ULK4: variants seen among roughly 807,000 people sequenced by gnomAD.
The protein encoded by ULK4 is inactive serine/threonine-protein kinase ULK4.
Under a neutral mutation model 160.6 loss-of-function variants are expected in ULK4, and 133 were observed. That is an observed-to-expected ratio of 0.83 (90% confidence interval 0.72 to 0.96). The LOEUF (loss-of-function observed/expected upper bound fraction) is 0.96. Ranked by LOEUF, ULK4 falls within the 40% of genes least tolerant of loss-of-function variation. ULK4 has a pLI of 0.00. For synonymous variants in ULK4, 534 were observed against 539.8 expected (o/e 0.99, Z 0.15); for missense variants, 1,580 against 1,499.5 (o/e 1.05, Z -0.89).
chr3:41,290,307 T>C (rs1035931427), intron 35 of ULK4, among the ~76,000 whole-genome samples: 1 of 152,240 alleles, frequency 6.6e-6, no homozygotes, highest in Non-Finnish European at 1.5e-5. Flanking sequence ...ACTTTATGTA[T>C]ATTAACTCAT....
At chr3:41,687,385 AAATT>A (rs1326157804) in intron 27 of ULK4, among the ~76,000 whole-genome samples, 12 of 151,984 alleles carry the variant, frequency 7.9e-5, no homozygotes, top group African/African-American at 2.2e-4. Context: ...AAAAAAAAAA[AAATT>A]AATTAAACAA....
chr3:41,307,983 C>T (rs2079981476), intron 35 of ULK4, among the ~76,000 whole-genome samples: 1 of 152,110 alleles, frequency 6.6e-6, no homozygotes, highest in Non-Finnish European at 1.5e-5. Context: ...TGAGTTTCCG[C>T]AGCATTTAAG....
At chr3:41,750,225 C>A (rs2038569998) in intron 22 of ULK4, among the ~76,000 whole-genome samples, 1 of 152,212 alleles carries the variant, frequency 6.6e-6, no homozygotes, top group Non-Finnish European at 1.5e-5. Flanking sequence ...TAATTTTCAA[C>A]TTCCAAAATA....
chr3:41,914,413 C>T (rs1450117622), intron 8 of ULK4, among the ~76,000 whole-genome samples: 1 of 152,156 alleles, frequency 6.6e-6, no homozygotes, highest in Non-Finnish European at 1.5e-5. Context: ...TGTAGATCAA[C>T]AAGGCACACT....
intron 27 of ULK4, among the ~76,000 whole-genome samples, chr3:41,690,884 A>G (rs1027741414): frequency 6.6e-6 from 1 of 151,916 alleles, no homozygotes. Flanking sequence ...ATAATGTTAT[A>G]GCAGGTAGTC....
chr3:41,935,193 T>TTTTTTTTA (rs1699725479), intron 4 of ULK4, among the ~76,000 whole-genome samples: 1 of 23,602 alleles, frequency 4.2e-5, no homozygotes, highest in African/African-American at 7.3e-5. Flanking sequence ...TTTTTTGTGT[T>TTTTTTTTA]TTTATTTATT....
chr3:41,324,022 C>CACT (rs2080296345), intron 35 of ULK4, among the ~76,000 whole-genome samples: 1 of 152,190 alleles, frequency 6.6e-6, no homozygotes, highest in Non-Finnish European at 1.5e-5. Context: ...TTATGCCTGT[C>CACT]ACTGCAGGAC....
At chr3:41,298,113 C>T (rs2079708241) in intron 35 of ULK4, among the ~76,000 whole-genome samples, 1 of 152,180 alleles carries the variant, frequency 6.6e-6, no homozygotes, top group Non-Finnish European at 1.5e-5. Context: ...ATATCATACA[C>T]CATATACAGA....
intron 34 of ULK4, among the ~76,000 whole-genome samples, chr3:41,402,583 G>A (rs191990026): frequency 1.2e-3 from 180 of 152,264 alleles, no homozygotes; most frequent in Non-Finnish European, 2.2e-3. Flanking sequence ...TGGTGGTTCT[G>A]TCAATTACTT....
intron 32 of ULK4, among the ~76,000 whole-genome samples, chr3:41,527,314 A>G (rs2086153713): frequency 6.6e-6 from 1 of 152,242 alleles, no homozygotes; most frequent in African/African-American, 2.4e-5. Context: ...ACAAGGGTAG[A>G]AATTCTGAGA....
chr3:41,576,916 TAA>T (rs1314853899), intron 31 of ULK4, among the ~76,000 whole-genome samples: 2 of 152,072 alleles, frequency 1.3e-5, no homozygotes, highest in African/African-American at 4.8e-5. Flanking sequence ...CTCACAAACA[TAA>T]AGTGTCCCAC....
chr3:41,564,561 C>T (rs923389161), intron 32 of ULK4, among the ~76,000 whole-genome samples: 3 of 145,966 alleles, frequency 2.1e-5, no homozygotes, highest in Non-Finnish European at 3.0e-5. Flanking sequence ...CCACTTCAAG[C>T]GATTCTCCTG....
At chr3:41,289,807 TTATGTATG>T (rs34876578) in intron 35 of ULK4, among the ~76,000 whole-genome samples, 64,887 of 147,580 alleles carry the variant, frequency 0.44, 14,916 homozygotes, top group African/African-American at 0.58. Flanking sequence ...TTAGGTCAAC[TTATGTATG>T]TATGTATGTA....
chr3:41,844,790 T>TAAA (rs35532895), intron 17 of ULK4, among the ~76,000 whole-genome samples: 2 of 125,084 alleles, frequency 1.6e-5, no homozygotes, highest in Non-Finnish European at 1.7e-5. Flanking sequence ...GAGGTTTTTC[T>TAAA]AAAAAAAAAA....
chr3:41,836,827 CACAT>C (rs1162113160), intron 17 of ULK4, among the ~76,000 whole-genome samples: 2 of 152,218 alleles, frequency 1.3e-5, no homozygotes, highest in East Asian at 3.9e-4. Flanking sequence ...CTAAGAAAAT[CACAT>C]ACACTCATTG....
intron 31 of ULK4, among the ~76,000 whole-genome samples, chr3:41,611,176 G>T (rs1165444746): frequency 1.3e-5 from 2 of 152,198 alleles, no homozygotes; most frequent in Admixed American, 6.5e-5. Flanking sequence ...GGTACACCGT[G>T]AAGACTGTAC....
intron 22 of ULK4, among the ~76,000 whole-genome samples, chr3:41,745,698 A>G (rs2125885988): frequency 6.6e-6 from 1 of 151,768 alleles, no homozygotes; most frequent in Middle Eastern, 3.4e-3. Flanking sequence ...GGAGGGAGAA[A>G]GCAAGCAAGC....
At chr3:41,663,794 A>T in intron 29 of ULK4, 95 bp from the exon 30 acceptor site, 1 of 1,034,432 alleles carries the variant, frequency 9.7e-7, no homozygotes, top group Non-Finnish European at 1.5e-6. Flanking sequence ...TTAGCTTAAG[A>T]CAGAAAGATA....
At position 41,901,780 on chromosome 3, in the gene ULK4, A is replaced by T. The variant is rs1698375973; in HGVS notation, c.1183-951T>A. Among the ~76,000 whole-genome samples the T allele has an allele frequency of 1.3e-5, 2 of 151,944 alleles. 1 individual carries two copies. Among genetic ancestry groups the T allele is most frequent in the Non-Finnish European group, 2.9e-5 (2 of 67,968 alleles). On this transcript the variant is annotated intron_variant, in intron 12 of 36. Coordinates refer to ENST00000301831, the MANE Select transcript of ULK4 (RefSeq NM_017886.4). ...TAGGCGTGAGCCACGCGCCTGACCAACGGCTTTATTTTTCATTCACAGAAT... is the reference window on the plus strand; with the variant it reads ...TAGGCGTGAGCCACGCGCCTGACCATCGGCTTTATTTTTCATTCACAGAAT...
Sources: allele counts gnomAD v4.1 joint callset (sites outside exome capture counted in the v4.1 genomes callset), GRCh38; gene constraint gnomAD v4.1.1; transcripts MANE v1.5; gene names NCBI Gene and HGNC (gene_info 2026-07-23, HGNC 2026-07-21).